Variants in SPATA9 observed in about 807,000 individuals in gnomAD.
The protein encoded by SPATA9 is spermatogenesis associated 9.
SPATA9 carries 27 observed loss-of-function variants against 25.5 expected under a neutral mutation model. The observed-to-expected ratio is 1.06, with a 90% CI of 0.78 to 1.46. The LOEUF (loss-of-function observed/expected upper bound fraction) is 1.46. Ranked by LOEUF, SPATA9 falls within the 40% of genes most tolerant of loss-of-function variation. SPATA9 has a pLI of 0.00. For missense variants in SPATA9, 282 were observed against 297.5 expected (o/e 0.95, Z 0.38); for synonymous variants, 102 against 105.7 (o/e 0.97, Z 0.21).
intron 2 of SPATA9, 48 bp downstream of exon 2, chr5:95,682,480 T>C (rs1160751627): frequency 1.5e-6 from 2 of 1,307,104 alleles, no homozygotes; most frequent in East Asian, 2.4e-5. Flanking sequence ...ATACTAAAAA[T>C]AGAATATATT....
At chr5:95,717,854 T>TA in the SPATA9 span, 1 of 152,234 alleles carries the variant, frequency 6.6e-6, no homozygotes, top group Non-Finnish European at 1.5e-5. Context: ...AGGATGGGGT[T>TA]ATTTCCTTGA....
At chr5:95,731,561 C>T in the SPATA9 span, 552 of 1,474,598 alleles carry the variant, frequency 3.7e-4, 1 homozygote, top group Middle Eastern at 6.3e-3. Flanking sequence ...GCGGTGGAGG[C>T]GCGCGAGGGG....
upstream of SPATA9, among the ~76,000 whole-genome samples, chr5:95,683,954 A>G (rs1322930144): frequency 2.0e-5 from 3 of 152,174 alleles, no homozygotes; most frequent in Non-Finnish European, 2.9e-5. Context: ...GCATAAAGCC[A>G]CGGCTGCTGA....
chr5:95,731,011 G>A, the SPATA9 span: 13 of 769,604 alleles, frequency 1.7e-5, no homozygotes, highest in Admixed American at 2.8e-5. Context: ...GTGAGCGGGG[G>A]CCCCATCGCC....
upstream of SPATA9, chr5:95,684,699 G>A (rs1753691375): frequency 6.6e-6 from 1 of 152,068 alleles, no homozygotes; most frequent in South Asian, 2.1e-4. Context: ...ATTTTGGTTT[G>A]TGTTTAATTA....
the SPATA9 span, among the ~76,000 whole-genome samples, chr5:95,722,892 AG>A: frequency 2.0e-5 from 3 of 152,246 alleles, no homozygotes; most frequent in Non-Finnish European, 4.4e-5. Flanking sequence ...TAGTAGAAAC[AG>A]GGAGTTCTGA....
At chr5:95,693,829 C>A (rs1470304664) in intron 1 of SPATA9, among the ~76,000 whole-genome samples, 1 of 152,060 alleles carries the variant, frequency 6.6e-6, no homozygotes, top group Non-Finnish European at 1.5e-5. Context: ...TAGAATCTTC[C>A]ATGTTGGAAA....
intron 4 of SPATA9, among the ~76,000 whole-genome samples, chr5:95,660,027 AAG>A (rs1751122851): frequency 6.6e-6 from 1 of 152,168 alleles, no homozygotes; most frequent in Non-Finnish European, 1.5e-5. Context: ...TTAGAAGAAA[AAG>A]AGGGAAAGAC....
intron 1 of SPATA9, among the ~76,000 whole-genome samples, chr5:95,693,030 C>A (rs555132173): frequency 2.8e-4 from 42 of 152,336 alleles, no homozygotes; most frequent in African/African-American, 9.6e-4. Flanking sequence ...AAGTCTTCCA[C>A]AAATTGTATT....
chr5:95,711,474 T>G, the SPATA9 span, among the ~76,000 whole-genome samples: 115 of 152,126 alleles, frequency 7.6e-4, 1 homozygote, highest in African/African-American at 2.5e-3. Context: ...AAAAGGGACA[T>G]AAACCAAGAA....
At chr5:95,697,398 CTG>C (rs1754049822) in intron 1 of SPATA9, among the ~76,000 whole-genome samples, 1 of 152,202 alleles carries the variant, frequency 6.6e-6, no homozygotes, top group Admixed American at 6.5e-5. Flanking sequence ...ACCTCACAAC[CTG>C]GCGGATTGTC....
At chr5:95,678,728 T>TA (rs1018380341) in intron 2 of SPATA9, among the ~76,000 whole-genome samples, 3 of 152,068 alleles carry the variant, frequency 2.0e-5, no homozygotes, top group Admixed American at 6.6e-5. Context: ...ATCCTGGAAA[T>TA]AAAAAAAATT....
At chr5:95,662,874 T>C (rs1217568725) in intron 4 of SPATA9, among the ~76,000 whole-genome samples, 2 of 152,196 alleles carry the variant, frequency 1.3e-5, no homozygotes, top group Non-Finnish European at 2.9e-5. Flanking sequence ...AATGTGATTA[T>C]ACTACATGCC....
chr5:95,675,577 A>T lies in SPATA9; in HGVS notation c.213T>A (p.Asn71Lys), dbSNP rs747563136. Residue 71 changes from asparagine to lysine, a missense_variant, in exon 3 of 5, where the codon AAT becomes AAA. Asn to Lys is a moderately conservative substitution (Grantham distance 94, BLOSUM62 0). Coordinates refer to ENST00000274432, the MANE Select transcript of SPATA9 (RefSeq NM_031952.4). ...TTAATCCACGAATTAATGTTGCTCG[A>T]TTAATCTTAGCTAAAGCAATAGCCA... Reference protein sequence around the residue: ...IRMAIALAKINRATLIRGLNS... With the variant: ...IRMAIALAKIKRATLIRGLNS... The T allele has an allele frequency of 6.1e-5, 98 of 1,614,060 alleles. No individual in the cohort carries two copies. The highest frequency in any genetic ancestry group is 8.0e-5 in the Non-Finnish European group (94 of 1,180,032).
chr5:95,668,547 T>C (rs1000572876), intron 3 of SPATA9, among the ~76,000 whole-genome samples: 17 of 152,336 alleles, frequency 1.1e-4, no homozygotes, highest in African/African-American at 4.1e-4. Context: ...TGGCAGTCTT[T>C]AGATGATCTT....
At chr5:95,660,128 T>C (rs1367190787) in intron 4 of SPATA9, among the ~76,000 whole-genome samples, 1 of 152,130 alleles carries the variant, frequency 6.6e-6, no homozygotes, top group African/African-American at 2.4e-5. Flanking sequence ...CTCACAGTTC[T>C]GGAGAGTGGG....
downstream of SPATA9, chr5:95,654,147 C>G: frequency 1.2e-6 from 2 of 1,612,272 alleles, no homozygotes; most frequent in Non-Finnish European, 1.7e-6. Context: ...ATTAAAAAAT[C>G]TGAAAGAATG....
At chr5:95,713,403 TGTGACA>T in the SPATA9 span, 1 of 152,128 alleles carries the variant, frequency 6.6e-6, no homozygotes, top group South Asian at 2.1e-4. Context: ...TTGCTGATCT[TGTGACA>T]GTGAGTGAGT....
chr5:95,669,676 A>G (rs892341953), intron 3 of SPATA9, among the ~76,000 whole-genome samples: 20 of 152,146 alleles, frequency 1.3e-4, no homozygotes, highest in African/African-American at 4.6e-4. Flanking sequence ...AGAATCAACA[A>G]TGATGTCTGG....
Sources: gnomAD v4.1 joint callset for allele counts (sites outside exome capture counted in the v4.1 genomes callset) on GRCh38, gnomAD v4.1.1 for gene constraint, MANE v1.5 for transcripts, NCBI Gene and HGNC (gene_info 2026-07-23, HGNC 2026-07-21) for gene names.